Variants in FRMD4A observed in about 807,000 individuals in gnomAD.
FRMD4A encodes FERM domain containing 4A.
FRMD4A carries 29 observed loss-of-function variants against 129.1 expected under a neutral mutation model. The ratio of observed to expected loss-of-function variants is 0.22; its 90% CI spans 0.17 to 0.31. FRMD4A has a LOEUF of 0.31. Among genes scored for constraint, FRMD4A ranks in the 10% least tolerant of loss-of-function variants. The pLI is 1.00. For missense variants in FRMD4A, 1,272 were observed against 1,375.8 expected (o/e 0.92, Z 1.19); for synonymous variants, 634 against 571.6 (o/e 1.11, Z -1.56).
chr10:13,911,615 T>C (rs2094941492), intron 2 of FRMD4A, among the ~76,000 whole-genome samples: 1 of 152,086 alleles, frequency 6.6e-6, no homozygotes, highest in East Asian at 1.9e-4. Context: ...CCAGCTGGAG[T>C]GCATGGCACA....
At chr10:14,181,138 G>A (rs894144988) in intron 2 of FRMD4A, among the ~76,000 whole-genome samples, 4 of 152,206 alleles carry the variant, frequency 2.6e-5, no homozygotes, top group African/African-American at 9.7e-5. Flanking sequence ...GTGTCTCACA[G>A]TGGGAAAAAT....
At chr10:14,065,677 C>A (rs1835022292) in intron 2 of FRMD4A, among the ~76,000 whole-genome samples, 1 of 152,158 alleles carries the variant, frequency 6.6e-6, no homozygotes, top group Admixed American at 6.5e-5. Context: ...AGAGAAATGT[C>A]CCCATCAGAA....
chr10:14,214,526 A>G (rs1843017225), intron 2 of FRMD4A, among the ~76,000 whole-genome samples: 1 of 152,156 alleles, frequency 6.6e-6, no homozygotes, highest in Admixed American at 6.5e-5. Flanking sequence ...TTGAACCCAA[A>G]ATATTTATAC....
At chr10:13,713,950 C>T (rs28735668) in intron 12 of FRMD4A, among the ~76,000 whole-genome samples, 70,028 of 80,276 alleles carry the variant, frequency 0.87, 31,026 homozygotes, top group East Asian at 0.97. Context: ...ATATGTAATA[C>T]ACACACATAT....
chr10:14,122,403 G>A (rs541863336), intron 2 of FRMD4A, among the ~76,000 whole-genome samples: 186 of 152,060 alleles, frequency 1.2e-3, no homozygotes, highest in Non-Finnish European at 2.2e-3. Context: ...GTCTAGTCTC[G>A]CATTGCTATA....
intron 12 of FRMD4A, among the ~76,000 whole-genome samples, chr10:13,720,925 A>C (rs2089352754): frequency 6.6e-6 from 1 of 152,250 alleles, no homozygotes; most frequent in Admixed American, 6.5e-5. Context: ...TGTGTGCTGC[A>C]ACAGGGATGA....
intron 18 of FRMD4A, among the ~76,000 whole-genome samples, chr10:13,665,184 T>C (rs1465532239): frequency 3.3e-5 from 5 of 152,166 alleles, no homozygotes; most frequent in Admixed American, 1.3e-4. Flanking sequence ...AGCTTAACTA[T>C]TTTTAAGTGT....
intron 4 of FRMD4A, among the ~76,000 whole-genome samples, chr10:13,796,934 G>A (rs956045857): frequency 7.2e-5 from 11 of 152,078 alleles, no homozygotes; most frequent in African/African-American, 2.7e-4. Context: ...TGGTCAGGCT[G>A]GTCTCAAACT....
At chr10:14,317,016 T>A (rs1391332076) in intron 2 of FRMD4A, among the ~76,000 whole-genome samples, 1 of 152,232 alleles carries the variant, frequency 6.6e-6, no homozygotes, top group Non-Finnish European at 1.5e-5. Context: ...TCAAGTCCAC[T>A]TTGTCGCTCA....
At chr10:14,198,970 C>T (rs1341807445) in intron 2 of FRMD4A, among the ~76,000 whole-genome samples, 1 of 152,264 alleles carries the variant, frequency 6.6e-6, no homozygotes, top group South Asian at 2.1e-4. Context: ...TCTTTAAATG[C>T]TTAGTACATG....
intron 3 of FRMD4A, among the ~76,000 whole-genome samples, chr10:13,840,277 A>G (rs2093942178): frequency 6.6e-6 from 1 of 152,080 alleles, no homozygotes; most frequent in South Asian, 2.1e-4. Context: ...AGAACCAGGG[A>G]TACTCCAGTA....
chr10:14,022,133 A>G (rs1477749426), intron 2 of FRMD4A, among the ~76,000 whole-genome samples: 1 of 152,202 alleles, frequency 6.6e-6, no homozygotes, highest in African/African-American at 2.4e-5. Flanking sequence ...CTTGAGGAGG[A>G]GGCAAGACAG....
chr10:13,812,912 C>G (rs2093473451), intron 3 of FRMD4A, among the ~76,000 whole-genome samples: 1 of 152,264 alleles, frequency 6.6e-6, no homozygotes, highest in East Asian at 1.9e-4. Flanking sequence ...CTCCCTCACT[C>G]CTGGTGGAAC....
intron 3 of FRMD4A, among the ~76,000 whole-genome samples, chr10:13,832,308 G>T (rs947071369): frequency 4.6e-5 from 7 of 152,176 alleles, no homozygotes; most frequent in African/African-American, 1.7e-4. Flanking sequence ...ATCAAGGATT[G>T]TCCACTGCCC....
chr10:13,957,765 T>G (rs544787188), intron 2 of FRMD4A, among the ~76,000 whole-genome samples: 2 of 152,252 alleles, frequency 1.3e-5, no homozygotes, highest in African/African-American at 4.8e-5. Flanking sequence ...CAGTTTTCCA[T>G]TCCATTTATT....
chr10:13,743,443 C>G (rs769542222), intron 9 of FRMD4A, among the ~76,000 whole-genome samples: 3 of 151,776 alleles, frequency 2.0e-5, no homozygotes, highest in African/African-American at 7.3e-5. Context: ...TAGATAGGGA[C>G]CTTTTTCCTT....
In FRMD4A at chr10:14,115,536, G is replaced by A. The variant is rs151254572; in HGVS notation, c.45+214522C>T. On this transcript the variant is annotated intron_variant, in intron 2 of 24. Transcript: ENST00000357447. ...GATATTTGTCCCCTTTTAATCTCAT[G>A]TGGAAATGTGACTCCCAGTGTTGGA... Among the ~76,000 whole-genome samples, 400 of 152,278 alleles carry A rather than the reference G, an allele frequency of 2.6e-3. 3 individuals are homozygous for A. Among genetic ancestry groups the A allele is most frequent in the African/African-American group, 8.4e-3 (350 of 41,548 alleles).
chr10:13,659,445 G>A lies in FRMD4A; in HGVS notation c.1944C>T (p.Gly648=), dbSNP rs1011535846. ...TGTTCTGCAAGGAGTTGCTTCCTCC[G>A]CCGGCTTCCGCACAGCTTCCTGTGC... The part of the protein sequence containing the change: ...FPSTGSCAEA[G]GGSNSLQNSP... Residue 648 remains glycine, a synonymous_variant, in exon 21 of 25, where the codon GGC becomes GGT. Coordinates refer to ENST00000357447, the MANE Select transcript of FRMD4A (RefSeq NM_018027.5). 33 of 1,613,654 alleles carry A rather than the reference G, an allele frequency of 2.0e-5. No individual in the cohort carries two copies. The highest frequency in any genetic ancestry group is 2.4e-5 in the Non-Finnish European group (28 of 1,179,950).
chr10:14,268,221 A>G (rs1239217543), intron 2 of FRMD4A, among the ~76,000 whole-genome samples: 1 of 152,236 alleles, frequency 6.6e-6, no homozygotes, highest in Admixed American at 6.5e-5. Flanking sequence ...AATCTAAAAT[A>G]TAATGGTCAA....
Sources: allele counts gnomAD v4.1 joint callset (sites outside exome capture counted in the v4.1 genomes callset), GRCh38; gene constraint gnomAD v4.1.1; transcripts MANE v1.5; gene names NCBI Gene and HGNC (gene_info 2026-07-23, HGNC 2026-07-21).